The following MLST8 variants were observed in gnomAD, a reference collection of about 807,000 sequenced individuals.
MLST8 encodes target of rapamycin complex subunit LST8.
A neutral mutation model predicts 41.3 loss-of-function variants in MLST8; 20 were observed. The observed-to-expected ratio is 0.48, with a 90% confidence interval of 0.34 to 0.70. MLST8 has a LOEUF of 0.70. Ranked by LOEUF, MLST8 falls within the 30% of genes least tolerant of loss-of-function variation. MLST8 has a pLI of 0.01. For synonymous variants in MLST8, 243 were observed against 183.0 expected, an observed-to-expected ratio of 1.33 and a Z score of -2.65; for missense variants, 422 against 454.3, an observed-to-expected ratio of 0.93 and a Z score of 0.65.
chr16:2,207,150 G>A (rs1181308614), intron 5 of MLST8, 40 bp downstream of exon 5: 1 of 1,613,374 alleles, frequency 6.2e-7, no homozygotes, highest in Non-Finnish European at 8.5e-7. Context: ...TGGGACTTTG[G>A]AGGGCTGGGC....
rs1397464866 is a variant in MLST8 at position 2,208,194 on chromosome 16, T to A, written c.574-16T>A. Reference sequence around the variant, plus strand: ...TGAGGCCTTGGGCCCTCCGTGACGGTCCTCCTGACCTCTAGGGAAACTGCT... The same window carrying A: ...TGAGGCCTTGGGCCCTCCGTGACGGACCTCCTGACCTCTAGGGAAACTGCT... On this transcript the variant is annotated splice_polypyrimidine_tract_variant and intron_variant, in intron 6 of 8. Coordinates refer to ENST00000569417, the MANE Select transcript of MLST8 (RefSeq NM_022372.6). 6.3e-7 allele frequency: 1 copy of A among 1,593,938 alleles called. No homozygotes were observed. Among genetic ancestry groups the A allele is most frequent in the Non-Finnish European group, 8.6e-7 (1 of 1,166,498 alleles).
intron 4 of MLST8, 120 bp from the exon 5 acceptor site, chr16:2,206,915 A>G: frequency 7.5e-7 from 1 of 1,333,692 alleles, no homozygotes; most frequent in Non-Finnish European, 1.1e-6. Context: ...CTGCGTCCCA[A>G]GTATTTCCCA....
At chr16:2,205,581 G>A in intron 1 of MLST8, 69 bp downstream of exon 1, 1 of 739,880 alleles carries the variant, frequency 1.4e-6, no homozygotes, top group Non-Finnish European at 1.7e-6. Context: ...GCCAGGGGAA[G>A]CCGGCCAGCA....
chr16:2,206,466 A>C (rs1423925130), intron 3 of MLST8, 31 bp from the exon 4 acceptor site: 1 of 1,612,576 alleles, frequency 6.2e-7, no homozygotes. Flanking sequence ...ACCTCAGCAC[A>C]GCCAAGCTTC....
intron 4 of MLST8, 171 bp from the exon 5 acceptor site, chr16:2,206,864 C>T (rs2093301638): frequency 2.8e-6 from 3 of 1,059,548 alleles, no homozygotes; most frequent in Non-Finnish European, 4.3e-6. Flanking sequence ...ATTCCCCTTC[C>T]ACCAGCCACT....
Position 2,208,966 on chromosome 16 carries a change from G to C in MLST8, c.*89G>C. On this transcript the variant is annotated 3_prime_UTR_variant, in exon 9 of 9. Coordinates refer to ENST00000569417, the MANE Select transcript of MLST8 (RefSeq NM_022372.6). ...AGGTCAGAGCAGACCCTCCCCTGCC[G>C]GCCTGCGCCAGCTGGACCTGATGGC... is the stretch of plus-strand genomic sequence containing the variant. 1 of 1,436,414 alleles carries C rather than the reference G, an allele frequency of 7.0e-7. No individual in the cohort carries two copies. The highest frequency in any genetic ancestry group is 9.6e-7 in the Non-Finnish European group (1 of 1,036,562). 89.0% of individuals were successfully genotyped at this position (1,436,414 alleles called of 1,614,324 possible).
At chr16:2,205,783 C>A in intron 1 of MLST8, 1 of 1,060,838 alleles carries the variant, frequency 9.4e-7, no homozygotes. Context: ...CGCGTGACTC[C>A]CCCCTGCCGG....
At chr16:2,208,718 C>G (rs781064334) in intron 8 of MLST8, 41 bp from the exon 9 acceptor site, 3 of 1,613,522 alleles carry the variant, frequency 1.9e-6, no homozygotes, top group South Asian at 1.1e-5. Context: ...CCTGCTTGGC[C>G]TGCACCTGCG....
At chr16:2,207,375 G>C in intron 6 of MLST8, 30 bp downstream of exon 6, 1 of 1,608,108 alleles carries the variant, frequency 6.2e-7, no homozygotes, top group Non-Finnish European at 8.5e-7. Flanking sequence ...GCTGGGTGCG[G>C]GCAGCTTGGC....
Position 2,208,928 on chromosome 16 carries a change from C to T in MLST8, c.*51C>T, listed in dbSNP as rs746650080. ...TGCAGGTGGTGGCAGCTGGAGGGAC[C>T]CATGCAGCACCCAGGTCAGAGCAGA... is the stretch of plus-strand genomic sequence containing the variant. On this transcript the variant is annotated 3_prime_UTR_variant, in exon 9 of 9. Coordinates refer to ENST00000569417, the MANE Select transcript of MLST8 (RefSeq NM_022372.6). 1.9e-6 allele frequency: 3 copies of T among 1,585,054 alleles called. No individual in the cohort carries two copies. Among genetic ancestry groups the T allele is most frequent in the East Asian group, 2.2e-5 (1 of 44,752 alleles).
In MLST8 at chr16:2,208,785, T is replaced by C; in HGVS notation, c.889T>C (p.Trp297Arg). 1 of 1,613,894 alleles carries C rather than the reference T, an allele frequency of 6.2e-7. No individual in the cohort carries two copies. Among genetic ancestry groups the C allele is most frequent in the Non-Finnish European group, 8.5e-7 (1 of 1,179,922 alleles). ...TTCCTCGGACAACCTGGCCCGGCTC[T>C]GGTGTGTGGAGACTGGAGAGATCAA... ...TASSDNLARLWCVETGEIKRE... is the reference protein window; with the variant it reads ...TASSDNLARLRCVETGEIKRE... Residue 297 changes from tryptophan (W) to arginine (R), a missense_variant, in exon 9 of 9, where the codon TGG becomes CGG. Physicochemically the swap from Trp to Arg is moderately radical, Grantham distance 101. Transcript: ENST00000569417.
At position 2,208,996 on chromosome 16, in the gene MLST8, T is replaced by C. The variant is rs1038898201; in HGVS notation, c.*119T>C. 3 of 1,124,936 alleles carry C rather than the reference T, an allele frequency of 2.7e-6. No homozygotes were observed. Among genetic ancestry groups the C allele is most frequent in the African/African-American group, 1.5e-5 (1 of 65,578 alleles). 69.7% of individuals were successfully genotyped at this position (1,124,936 alleles called of 1,614,324 possible). A position where few individuals can be genotyped will look rare whatever the true frequency, so the allele number is the denominator to read the frequency against. Reference sequence around the variant, plus strand: ...GCGCCAGCTGGACCTGATGGCCCCCTGTGGCGCCTTGACCTGCTGGGCCAG... The same window carrying C: ...GCGCCAGCTGGACCTGATGGCCCCCCGTGGCGCCTTGACCTGCTGGGCCAG... On this transcript the variant is annotated 3_prime_UTR_variant, in exon 9 of 9. Transcript: ENST00000569417.
Position 2,206,227 on chromosome 16 carries a change from C to T in MLST8, c.129+13C>T, listed in dbSNP as rs1328846162. On this transcript the variant is annotated intron_variant, in intron 2 of 8. Coordinates refer to ENST00000569417, the MANE Select transcript of MLST8 (RefSeq NM_022372.6). ...GCACCAGGACTCCGTATCCTCCACCCGGGGCGGGCAGGGCGGCGCTGGGGG... is the reference window on the plus strand; with the variant it reads ...GCACCAGGACTCCGTATCCTCCACCTGGGGCGGGCAGGGCGGCGCTGGGGG... 6.2e-7 allele frequency: 1 copy of T among 1,604,332 alleles called. No homozygotes were observed. The highest frequency in any genetic ancestry group is 1.1e-5 in the South Asian group (1 of 90,746).
Position 2,206,576 on chromosome 16 carries a change from C to T in MLST8, c.261C>T (p.Asn87=), listed in dbSNP as rs1567274663. The change falls in exon 4 of 9, where the codon AAC becomes AAT. Residue 87 remains asparagine (N), a synonymous_variant. Transcript: ENST00000569417. ...TCAGCTACGACGGCGTCAACAAGAA[C>T]ATCGCGTCTGTGGGCTTCCACGAAG... ...PIISYDGVNK[N]IASVGFHEDG... 3.7e-6 allele frequency: 6 copies of T among 1,613,992 alleles called. No homozygotes were observed. Among genetic ancestry groups the T allele is most frequent in the Non-Finnish European group, 4.2e-6 (5 of 1,180,022 alleles).
At chr16:2,207,881 C>T (rs902144490) in intron 6 of MLST8, 3 of 278,490 alleles carry the variant, frequency 1.1e-5, no homozygotes, top group African/African-American at 2.2e-5. Flanking sequence ...CTCTTGCCCC[C>T]GGATTTCCCT....
At chr16:2,208,380 G>T in intron 7 of MLST8, 46 bp downstream of exon 7, 1 of 1,606,182 alleles carries the variant, frequency 6.2e-7, no homozygotes, top group Non-Finnish European at 8.5e-7. Context: ...GCCTGGGCTG[G>T]GGGCTGGAGA....
At chr16:2,208,660 C>T (rs2093346192) in intron 8 of MLST8, 47 bp downstream of exon 8, 1 of 1,612,398 alleles carries the variant, frequency 6.2e-7, no homozygotes, top group Non-Finnish European at 8.5e-7. Context: ...CGGCGCTGGC[C>T]TCCAGAGCCA....
intron 4 of MLST8, 147 bp from the exon 5 acceptor site, chr16:2,206,888 T>C: frequency 8.4e-7 from 1 of 1,185,066 alleles, no homozygotes; most frequent in Non-Finnish European, 1.2e-6. Context: ...TTAGGCTCCC[T>C]GCTGGAGCAG....
Position 2,206,401 on chromosome 16 carries a change from C to G in MLST8, c.173C>G (p.Ala58Gly). 1 of 1,614,150 alleles carries G rather than the reference C, an allele frequency of 6.2e-7. No homozygotes were observed. The highest frequency in any genetic ancestry group is 8.5e-7 in the Non-Finnish European group (1 of 1,179,996). ...GTCACACCGGACCGCAGCATGATTG[C>G]TGCTGCAGGTATCTGTGATCCTTGA... ...LEVTPDRSMI[A>G]AAGYQHIRMY... The change falls in exon 3 of 9, where the codon GCT becomes GGT. Residue 58 changes from alanine (A) to glycine (G), a missense_variant. By Grantham distance (60) the Ala-to-Gly change is moderately conservative. Transcript: ENST00000569417.
Sources: allele counts gnomAD v4.1 joint callset, GRCh38; gene constraint gnomAD v4.1.1; transcripts MANE v1.5; gene names NCBI Gene and HGNC (gene_info 2026-07-23, HGNC 2026-07-21).